ASCC1: variants seen among roughly 807,000 people sequenced by gnomAD.
ASCC1 encodes the protein activating signal cointegrator 1 complex subunit 1.
A neutral mutation model predicts 46.6 loss-of-function variants in ASCC1; 35 were observed. The observed-to-expected ratio is 0.75, with a 90% CI of 0.57 to 0.99. ASCC1 has a LOEUF of 0.99. Among genes scored for constraint, ASCC1 ranks in the 50% least tolerant of loss-of-function variants. ASCC1 has a pLI of 0.00. For missense variants in ASCC1, 376 were observed against 428.7 expected, an observed-to-expected ratio of 0.88 and a Z score of 1.09; for synonymous variants, 143 against 146.6, an observed-to-expected ratio of 0.98 and a Z score of 0.18.
chr10:72,141,110 G>C (rs1279983837), intron 7 of ASCC1, among the ~76,000 whole-genome samples: 1 of 151,582 alleles, frequency 6.6e-6, no homozygotes, highest in East Asian at 1.9e-4. Flanking sequence ...TAGAGATATA[G>C]ATATACAGAT....
At chr10:72,175,343 G>T (rs1011373537) in intron 5 of ASCC1, among the ~76,000 whole-genome samples, 5 of 152,246 alleles carry the variant, frequency 3.3e-5, no homozygotes, top group Admixed American at 1.3e-4. Context: ...CTTTTTACAT[G>T]ACTGTGCAGC....
intron 1 of ASCC1, chr10:72,215,780 A>C (rs1859127104): frequency 6.6e-6 from 1 of 152,320 alleles, no homozygotes; most frequent in African/African-American, 2.4e-5. Flanking sequence ...AACCAACTTA[A>C]CCCTGCTTCG....
chr10:72,169,229 C>G (rs1850750856), intron 5 of ASCC1, among the ~76,000 whole-genome samples: 1 of 152,178 alleles, frequency 6.6e-6, no homozygotes, highest in Non-Finnish European at 1.5e-5. Flanking sequence ...GTGGGCAGAT[C>G]ACTTGAGACC....
intron 3 of ASCC1, among the ~76,000 whole-genome samples, chr10:72,208,505 A>G (rs1460080453): frequency 6.6e-6 from 1 of 152,094 alleles, no homozygotes; most frequent in Non-Finnish European, 1.5e-5. Flanking sequence ...CACGCCTGTA[A>G]TCCCAACACT....
intron 4 of ASCC1, among the ~76,000 whole-genome samples, chr10:72,203,026 T>A (rs972654535): frequency 1.3e-5 from 2 of 151,722 alleles, no homozygotes; most frequent in African/African-American, 2.4e-5. Context: ...GTGGCTCACG[T>A]CTATAATCCC....
chr10:72,103,692 T>G (rs74457766), intron 9 of ASCC1, among the ~76,000 whole-genome samples: 1 of 152,098 alleles, frequency 6.6e-6, no homozygotes, highest in African/African-American at 2.4e-5. Context: ...AAGCAGGTCA[T>G]AAGACCCTCA....
chr10:72,195,605 G>A (rs1471327972), intron 5 of ASCC1, among the ~76,000 whole-genome samples: 3 of 148,242 alleles, frequency 2.0e-5, no homozygotes, highest in South Asian at 4.3e-4. Flanking sequence ...TCCCCAGGCC[G>A]GCATGCAATG....
chr10:72,196,973 A>C lies in ASCC1; in HGVS notation c.327T>G (p.His109Gln), dbSNP rs1855528281. Reference protein sequence around the residue: ...QDGEIVITGQHRNGVISARTR... With the variant: ...QDGEIVITGQQRNGVISARTR... ...TTCGGGCTGAAATTACACCATTTCGATGCTGGCCAGTGATTACTGTAAACA... is the reference window on the plus strand; with the variant it reads ...TTCGGGCTGAAATTACACCATTTCGCTGCTGGCCAGTGATTACTGTAAACA... Residue 109 changes from histidine to glutamine, a missense_variant, in exon 5 of 10, where the codon CAT becomes CAG. His to Gln is a conservative substitution (Grantham distance 24). Coordinates refer to ENST00000672957, the MANE Select transcript of ASCC1 (RefSeq NM_001198800.3). The C allele has an allele frequency of 6.2e-7, 1 of 1,613,664 alleles. No homozygotes were observed. Among genetic ancestry groups the C allele is most frequent in the African/African-American group, 1.3e-5 (1 of 75,036 alleles).
At chr10:72,147,413 C>G (rs1047985852) in intron 7 of ASCC1, among the ~76,000 whole-genome samples, 6 of 151,968 alleles carry the variant, frequency 3.9e-5, no homozygotes, top group African/African-American at 1.5e-4. Flanking sequence ...CCACCACACC[C>G]AGCTAATTTT....
At chr10:72,109,782 A>T (rs1236161342) in intron 9 of ASCC1, among the ~76,000 whole-genome samples, 18 of 152,174 alleles carry the variant, frequency 1.2e-4, no homozygotes, top group Admixed American at 1.2e-3. Context: ...ATTTTGAAAA[A>T]TAGTAAGAAA....
chr10:72,155,508 A>G (rs1307077973), intron 6 of ASCC1, among the ~76,000 whole-genome samples: 1 of 152,196 alleles, frequency 6.6e-6, no homozygotes, highest in Non-Finnish European at 1.5e-5. Flanking sequence ...CATTGGTCAA[A>G]GCTCATCAAC....
intron 8 of ASCC1, among the ~76,000 whole-genome samples, chr10:72,129,077 T>C (rs1235690506): frequency 6.6e-6 from 1 of 152,098 alleles, no homozygotes; most frequent in Non-Finnish European, 1.5e-5. Flanking sequence ...ACATCTAGAG[T>C]TTTAAAAACT....
intron 5 of ASCC1, among the ~76,000 whole-genome samples, chr10:72,189,529 G>C (rs1221617809): frequency 6.6e-6 from 1 of 152,104 alleles, no homozygotes; most frequent in African/African-American, 2.4e-5. Flanking sequence ...CTGTTCGGGT[G>C]GGGTGGCTCA....
intron 6 of ASCC1, among the ~76,000 whole-genome samples, chr10:72,158,737 C>T (rs902559167): frequency 3.3e-5 from 5 of 152,170 alleles, no homozygotes; most frequent in Non-Finnish European, 7.4e-5. Flanking sequence ...ATTTTAAAAA[C>T]CATCAAATTA....
intron 9 of ASCC1, among the ~76,000 whole-genome samples, chr10:72,104,443 T>C (rs1033002202): frequency 4.6e-5 from 7 of 152,108 alleles, no homozygotes; most frequent in Admixed American, 1.3e-4. Context: ...TGGGGAAAGA[T>C]GAAAAAGCTT....
chr10:72,135,256 ATT>A (rs1237762983), intron 7 of ASCC1, among the ~76,000 whole-genome samples: 22 of 152,334 alleles, frequency 1.4e-4, no homozygotes, highest in African/African-American at 5.0e-4. Context: ...TGCAGCTCAC[ATT>A]CAGGTAGGAG....
At chr10:72,185,539 A>G (rs1475977464) in intron 5 of ASCC1, among the ~76,000 whole-genome samples, 1 of 152,232 alleles carries the variant, frequency 6.6e-6, no homozygotes, top group East Asian at 1.9e-4. Flanking sequence ...TGAACCAAAA[A>G]AAGTCACACA....
At chr10:72,132,978 T>C (rs1376043712) in intron 8 of ASCC1, 79 bp downstream of exon 8, 19 of 1,580,072 alleles carry the variant, frequency 1.2e-5, no homozygotes, top group Non-Finnish European at 1.7e-5. Context: ...GATTCTTTGA[T>C]AGCTCATTCT....
chr10:72,128,851 A>G (rs1845210050), intron 8 of ASCC1, among the ~76,000 whole-genome samples: 1 of 152,228 alleles, frequency 6.6e-6, no homozygotes, highest in Admixed American at 6.5e-5. Flanking sequence ...AAAAAAATGT[A>G]ACATCATTTC....
Sources: gnomAD v4.1 joint callset for allele counts (sites outside exome capture counted in the v4.1 genomes callset) on GRCh38, gnomAD v4.1.1 for gene constraint, MANE v1.5 for transcripts, NCBI Gene and HGNC (gene_info 2026-07-23, HGNC 2026-07-21) for gene names.